The following CFAP44 variants were observed in gnomAD, a reference collection of about 807,000 sequenced individuals.
The protein encoded by CFAP44 is cilia and flagella associated protein 44.
Under a neutral mutation model 216.2 loss-of-function variants are expected in CFAP44, and 134 were observed. That is an observed-to-expected ratio of 0.62 (90% confidence interval 0.54 to 0.72). CFAP44 has a LOEUF of 0.72. CFAP44 is among the 30% of genes least tolerant of loss of function. The pLI is 0.00. For synonymous variants in CFAP44, 700 were observed against 727.6 expected (o/e 0.96, Z 0.61); for missense variants, 2,035 against 2,182.1 (o/e 0.93, Z 1.34).
chr3:113,329,432 A>G lies in CFAP44; in HGVS notation c.4116+736T>C, dbSNP rs934501138. On this transcript the variant is annotated intron_variant, in intron 26 of 34. Coordinates refer to ENST00000393845, the MANE Select transcript of CFAP44 (RefSeq NM_001164496.2). ...TGTGGGAGGAAAAGGTGGAGTGGAG[A>G]GAGGCAAGAACAGTGAGAAAACAGG... Among the ~76,000 whole-genome samples the G allele has an allele frequency of 7.2e-5, 11 of 152,172 alleles. 1 individual carries two copies. The highest frequency in any genetic ancestry group is 7.2e-4 in the Admixed American group (11 of 15,272).
rs60866565 is a variant in CFAP44 at position 113,302,457 on chromosome 3, T to TAAAAAAAAAAAAAAAAAAAAAAAAAAAAA, written c.5077+1458_5077+1459insTTTTTTTTTTTTTTTTTTTTTTTTTTTTT. Reference sequence around the variant, plus strand: ...GTATCCAAAGATACACTAGACAAAGTAAAAAAAAAAAAAAAAAAAAAAAGA... The same window carrying TAAAAAAAAAAAAAAAAAAAAAAAAAAAAA: ...GTATCCAAAGATACACTAGACAAAGTAAAAAAAAAAAAAAAAAAAAAAAAAAAAAAAAAAAAAAAAAAAAAAAAAAAAGA... On this transcript the variant is annotated intron_variant, in intron 32 of 34. Coordinates refer to ENST00000393845, the MANE Select transcript of CFAP44 (RefSeq NM_001164496.2). Among the ~76,000 whole-genome samples the TAAAAAAAAAAAAAAAAAAAAAAAAAAAAA allele has an allele frequency of 6.6e-5, 5 of 75,812 alleles. 1 individual carries two copies. The highest frequency in any genetic ancestry group is 1.3e-4 in the African/African-American group (3 of 23,200). The allele number at this position is 75,812 out of a possible 152,430, so 49.7% of individuals were successfully genotyped here.
chr3:113,330,212 C>T lies in CFAP44; in HGVS notation c.4072G>A (p.Asp1358Asn). The change falls in exon 26 of 35, where the codon GAC (aspartate) becomes AAC (asparagine). Residue 1358 changes from aspartate to asparagine, a missense_variant. By Grantham distance (23) the Asp-to-Asn change is conservative (BLOSUM62 1). Transcript: ENST00000393845. ...TDVELEIMKRDEIKHVYMQQY... is the reference protein window; with the variant it reads ...TDVELEIMKRNEIKHVYMQQY... ...TGCATGTACACGTGTTTAATCTCGTCTCTCTTCATAATTTCCAGCTCCACA... is the reference window on the plus strand; with the variant it reads ...TGCATGTACACGTGTTTAATCTCGTTTCTCTTCATAATTTCCAGCTCCACA... 6.5e-7 allele frequency: 1 copy of T among 1,537,556 alleles called. No homozygotes were observed. The highest frequency in any genetic ancestry group is 1.2e-5 in the South Asian group (1 of 84,008).
intron 7 of CFAP44, 102 bp downstream of exon 7, chr3:113,409,004 A>C: frequency 1.4e-6 from 1 of 728,786 alleles, no homozygotes; most frequent in Non-Finnish European, 2.1e-6. Context: ...TAACCAAAAC[A>C]GCAAAAAAAA....
At chr3:113,315,889 T>C (rs758632163) in intron 28 of CFAP44, among the ~76,000 whole-genome samples, 1 of 152,232 alleles carries the variant, frequency 6.6e-6, no homozygotes, top group East Asian at 1.9e-4. Flanking sequence ...TAAGCTACTA[T>C]GTTTGGTAGG....
chr3:113,366,871 T>A (rs1192546230), intron 18 of CFAP44, among the ~76,000 whole-genome samples: 11 of 152,236 alleles, frequency 7.2e-5, no homozygotes, highest in Non-Finnish European at 4.4e-5. Context: ...TACTGCGCTT[T>A]TCAAAAGTCT....
chr3:113,362,161 G>A (rs962444396), intron 21 of CFAP44, among the ~76,000 whole-genome samples: 2 of 151,898 alleles, frequency 1.3e-5, no homozygotes, highest in Non-Finnish European at 2.9e-5. Flanking sequence ...GGAGAACAGG[G>A]CTTTGCTTCT....
chr3:113,330,021 G>T, intron 26 of CFAP44, 147 bp downstream of exon 26: 3 of 934,334 alleles, frequency 3.2e-6, no homozygotes, highest in Non-Finnish European at 4.5e-6. Context: ...TGGGGAGGAA[G>T]CCAAGCCATC....
intron 15 of CFAP44, among the ~76,000 whole-genome samples, chr3:113,393,137 G>C (rs1359259218): frequency 6.6e-6 from 1 of 152,238 alleles, no homozygotes; most frequent in Non-Finnish European, 1.5e-5. Context: ...TGATATTTCA[G>C]CTGGTAAGGG....
rs1949786013 is a variant in CFAP44 at position 113,287,788 on chromosome 3, GA to G, written c.*3768del. On this transcript the variant is annotated 3_prime_UTR_variant, in exon 35 of 35. Transcript: ENST00000393845. ...AATCTTTTTTATATAGGTGTGTGTTGAAGACCAAATATTTTCTCCAAAATAC... is the reference window on the plus strand; with the variant it reads ...AATCTTTTTTATATAGGTGTGTGTTGAGACCAAATATTTTCTCCAAAATAC... 1 of 152,200 alleles carries G rather than the reference GA, an allele frequency of 6.6e-6. No individual in the cohort carries two copies. Among genetic ancestry groups the G allele is most frequent in the African/African-American group, 2.4e-5 (1 of 41,450 alleles). The allele number at this position is 152,200 out of a possible 1,614,324, so 9.4% of individuals were successfully genotyped here.
At position 113,315,066 on chromosome 3, in the gene CFAP44, A is replaced by T. The variant is rs1362959747; in HGVS notation, c.4517-6798T>A. 2.0e-4 allele frequency among the ~76,000 whole-genome samples: 31 copies of T among 152,116 alleles called. 1 individual carries two copies. Among genetic ancestry groups the T allele is most frequent in the Admixed American group, 2.0e-3 (31 of 15,286 alleles). ...AAACAGAAAATAAAAATTAAATAAC[A>T]GACAAGCTCTAAAATACCAACAATT... On this transcript the variant is annotated intron_variant, in intron 28 of 34. Coordinates refer to ENST00000393845, the MANE Select transcript of CFAP44 (RefSeq NM_001164496.2).
At chr3:113,317,134 T>C (rs1950095805) in intron 28 of CFAP44, among the ~76,000 whole-genome samples, 1 of 152,112 alleles carries the variant, frequency 6.6e-6, no homozygotes, top group East Asian at 1.9e-4. Context: ...GTAAGAGAAC[T>C]GAGGGATGGC....
rs376842768 is a variant in CFAP44 at position 113,305,129 on chromosome 3, C to G, written c.4782G>C (p.Leu1594=). 5 of 1,537,136 alleles carry G rather than the reference C, an allele frequency of 3.3e-6. No individual in the cohort carries two copies. Among genetic ancestry groups the G allele is most frequent in the Non-Finnish European group, 4.4e-6 (5 of 1,146,916 alleles). Residue 1594 remains leucine (L), a synonymous_variant, in exon 31 of 35, where the codon CTG becomes CTC. Transcript: ENST00000393845. ...CCTCCAGGGCCTCCTCTGCTGCATT[C>G]AGATTAGTTGCCACAATTTTCACCT... ...SKKVKIVATN[L]NAAEEALEAY... is the part of the protein sequence containing the mutation.
chr3:113,333,623 A>G (rs62265963), intron 24 of CFAP44, 40 bp from the exon 25 acceptor site: 607 of 1,451,660 alleles, frequency 4.2e-4, no homozygotes, highest in Middle Eastern at 1.5e-3. Flanking sequence ...CACAAATATG[A>G]CAATAAACTC....
At chr3:113,308,102 G>A in intron 29 of CFAP44, 56 bp downstream of exon 29, 4 of 1,359,920 alleles carry the variant, frequency 2.9e-6, no homozygotes, top group Non-Finnish European at 4.0e-6. Flanking sequence ...GGTCTTCCCA[G>A]TATTGCCAAT....
chr3:113,368,234 A>G (rs1278170038), intron 18 of CFAP44, among the ~76,000 whole-genome samples: 2 of 152,228 alleles, frequency 1.3e-5, no homozygotes, highest in East Asian at 1.9e-4. Flanking sequence ...CAGGAAATAC[A>G]GAGAACACCA....
Position 113,426,234 on chromosome 3 carries a change from C to T in CFAP44, c.297G>A (p.Glu99=). 1.9e-6 allele frequency: 3 copies of T among 1,614,118 alleles called. No individual in the cohort carries two copies. Among genetic ancestry groups the T allele is most frequent in the South Asian group, 1.1e-5 (1 of 91,078 alleles). Residue 99 remains glutamate (E), a synonymous_variant, in exon 4 of 35, where the codon GAG becomes GAA. Transcript: ENST00000393845. ...TCTCTGATATTTTCTTCTTAACTTC[C>T]TCCTCTGCTTCTTCCACAGCTGGAG... The part of the protein sequence containing the change: ...TPAPAVEEAE[E]EVKKKISESF...
rs1477842166 is a variant in CFAP44 at position 113,290,840 on chromosome 3, T to C, written c.*717A>G. On this transcript the variant is annotated 3_prime_UTR_variant, in exon 35 of 35. Coordinates refer to ENST00000393845, the MANE Select transcript of CFAP44 (RefSeq NM_001164496.2). ...GAATTCTGACGGAGTTGCAGAAATC[T>C]TTAAAGAAAAGCCTCTTTATTGACT... is the stretch of plus-strand genomic sequence containing the variant. The C allele has an allele frequency of 6.6e-6, 1 of 152,204 alleles. No individual in the cohort carries two copies. Among genetic ancestry groups the C allele is most frequent in the East Asian group, 1.9e-4 (1 of 5,202 alleles). 9.4% of individuals were successfully genotyped at this position (152,204 alleles called of 1,614,324 possible). A position where few individuals can be genotyped will look rare whatever the true frequency, so the allele number is the denominator to read the frequency against.
At chr3:113,357,624 G>C (rs1437799028) in intron 22 of CFAP44, among the ~76,000 whole-genome samples, 1 of 152,120 alleles carries the variant, frequency 6.6e-6, no homozygotes, top group Non-Finnish European at 1.5e-5. Flanking sequence ...CCAGAACTGC[G>C]AGACAGTAAA....
rs1949817403 is a variant in CFAP44, at chr3:113,290,369, C to T, written c.*1188G>A. ...GATGTACAAAGAAAGCAAGACCTGT[C>T]TGTAATTTTGGGGGGCACATTAGCA... is the stretch of plus-strand genomic sequence containing the variant. On this transcript the variant is annotated 3_prime_UTR_variant, in exon 35 of 35. Transcript: ENST00000393845. 1 of 152,222 alleles carries T rather than the reference C, an allele frequency of 6.6e-6. No individual in the cohort carries two copies. Among genetic ancestry groups the T allele is most frequent in the Non-Finnish European group, 1.5e-5 (1 of 68,044 alleles). The allele number at this position is 152,222 out of a possible 1,614,324, so 9.4% of individuals were successfully genotyped here. A position where few individuals can be genotyped will look rare whatever the true frequency, so the allele number is the denominator to read the frequency against.
Sources: allele counts gnomAD v4.1 joint callset (sites outside exome capture counted in the v4.1 genomes callset), GRCh38; gene constraint gnomAD v4.1.1; transcripts MANE v1.5; gene names NCBI Gene and HGNC (gene_info 2026-07-23, HGNC 2026-07-21).